Variants in TSPAN3 observed in about 807,000 individuals in gnomAD.
The protein encoded by TSPAN3 is tetraspanin 3.
In TSPAN3, 9 loss-of-function variants were observed where a neutral mutation model predicts 31.1. That is an observed-to-expected ratio of 0.29 (90% CI 0.17 to 0.50). The LOEUF (loss-of-function observed/expected upper bound fraction) is 0.50. TSPAN3 is among the 20% of genes least tolerant of loss of function. The pLI is 0.98. For synonymous variants in TSPAN3, 129 were observed against 114.3 expected (o/e 1.13, Z -0.82); for missense variants, 252 against 313.5 (o/e 0.80, Z 1.48).
intron 4 of TSPAN3, among the ~76,000 whole-genome samples, chr15:77,053,476 A>C (rs2076746072): frequency 1.1e-5 from 1 of 87,372 alleles, no homozygotes; most frequent in Admixed American, 1.2e-4. Flanking sequence ...AAAAAAAAAA[A>C]AAAAAAAAAA....
intron 1 of TSPAN3, among the ~76,000 whole-genome samples, chr15:77,057,778 C>A (rs1212429918): frequency 6.6e-6 from 1 of 152,088 alleles, no homozygotes; most frequent in East Asian, 1.9e-4. Flanking sequence ...TCTGGGCTCT[C>A]CGTGGGCTAC....
At chr15:77,059,086 TTTTA>T (rs1399084628) in intron 1 of TSPAN3, among the ~76,000 whole-genome samples, 2 of 152,116 alleles carry the variant, frequency 1.3e-5, no homozygotes, top group Non-Finnish European at 2.9e-5. Context: ...TTTTATTTTA[TTTTA>T]TTTATTTTTT....
chr15:77,051,649 G>C (rs1321404983), intron 6 of TSPAN3, among the ~76,000 whole-genome samples: 1 of 150,046 alleles, frequency 6.7e-6, no homozygotes, highest in Non-Finnish European at 1.5e-5. Flanking sequence ...AGGAGTTTGA[G>C]ACCAGCCTGG....
intron 1 of TSPAN3, among the ~76,000 whole-genome samples, chr15:77,067,226 T>G (rs2076839040): frequency 6.6e-6 from 1 of 152,098 alleles, no homozygotes; most frequent in Admixed American, 6.5e-5. Flanking sequence ...TTAAGACAAA[T>G]TTCAGGATTT....
At chr15:77,062,613 T>C (rs1264442976) in intron 1 of TSPAN3, among the ~76,000 whole-genome samples, 1 of 152,200 alleles carries the variant, frequency 6.6e-6, no homozygotes, top group Non-Finnish European at 1.5e-5. Context: ...CACAAACTAA[T>C]AGAGAATCAT....
intron 1 of TSPAN3, among the ~76,000 whole-genome samples, chr15:77,059,162 A>G (rs1214779158): frequency 6.6e-6 from 1 of 152,182 alleles, no homozygotes; most frequent in African/African-American, 2.4e-5. Flanking sequence ...AGCTCACTGC[A>G]GGCTCCGTCT....
In TSPAN3 at chr15:77,055,832, G is replaced by A. The variant is rs1455415303; in HGVS notation, c.287C>T (p.Thr96Ile). ...TCCCAAAACCACTACAACAACTTCT[G>A]TGACAAAAACCAAGAGCAGGATGAT... is the stretch of plus-strand genomic sequence containing the variant. Reference protein sequence around the residue: ...FVIILLLVFVTEVVVVVLGYV... With the variant: ...FVIILLLVFVIEVVVVVLGYV... The change falls in exon 3 of 7, where the codon ACA becomes ATA. Residue 96 changes from threonine (T) to isoleucine (I), a missense_variant. Coordinates refer to ENST00000267970, the MANE Select transcript of TSPAN3 (RefSeq NM_005724.6). The A allele has an allele frequency of 1.2e-6, 2 of 1,611,472 alleles. No homozygotes were observed. Among genetic ancestry groups the A allele is most frequent in the Non-Finnish European group, 1.7e-6 (2 of 1,179,384 alleles).
intron 1 of TSPAN3, among the ~76,000 whole-genome samples, chr15:77,059,857 C>T (rs141276008): frequency 4.9e-4 from 74 of 152,262 alleles, no homozygotes; most frequent in Non-Finnish European, 9.3e-4. Context: ...AGTTTTCAAT[C>T]TAAAGAGGTT....
At chr15:77,047,358 T>C (rs1297563919) in intron 6 of TSPAN3, among the ~76,000 whole-genome samples, 1 of 152,240 alleles carries the variant, frequency 6.6e-6, no homozygotes. Context: ...ATGTGGCTAG[T>C]GGCTACCATT....
intron 1 of TSPAN3, among the ~76,000 whole-genome samples, chr15:77,065,099 CCA>C (rs763275611): frequency 2.6e-5 from 4 of 152,200 alleles, no homozygotes; most frequent in Non-Finnish European, 5.9e-5. Context: ...CTGAATCCCC[CCA>C]GTCTCCCAAT....
In TSPAN3 at chr15:77,067,324, A is replaced by T. The variant is rs1346968147; in HGVS notation, c.63+3568T>A. On this transcript the variant is annotated intron_variant, in intron 1 of 6. Coordinates refer to ENST00000267970, the MANE Select transcript of TSPAN3 (RefSeq NM_005724.6). Reference sequence around the variant, plus strand: ...TCCAAACTATCTACACCAAATCAACAGTAACGATTTTAGCTGTCAGATAAT... The same window carrying T: ...TCCAAACTATCTACACCAAATCAACTGTAACGATTTTAGCTGTCAGATAAT... Among the ~76,000 whole-genome samples, 2 of 152,242 alleles carry T rather than the reference A, an allele frequency of 1.3e-5. 1 individual carries two copies. Among genetic ancestry groups the T allele is most frequent in the Non-Finnish European group, 2.9e-5 (2 of 68,048 alleles).
intron 6 of TSPAN3, among the ~76,000 whole-genome samples, chr15:77,051,984 C>CA (rs1288639143): frequency 6.6e-6 from 1 of 151,980 alleles, no homozygotes; most frequent in African/African-American, 2.4e-5. Context: ...AACTAGCATA[C>CA]AAAAAAACTG....
chr15:77,071,083 C>G lies in TSPAN3; in HGVS notation c.-129G>C, dbSNP rs2076867142. On this transcript the variant is annotated 5_prime_UTR_variant, in exon 1 of 7. Transcript: ENST00000267970. ...GCGGCGCTCCCCGCAGCCCCTGCGC[C>G]GTCGCGCAGCCCCGACCCCAGCAAG... The G allele has an allele frequency of 1.8e-6, 1 of 547,498 alleles. No homozygotes were observed. Among genetic ancestry groups the G allele is most frequent in the Non-Finnish European group, 2.7e-6 (1 of 376,280 alleles). The allele number at this position is 547,498 out of a possible 1,614,324, so 33.9% of individuals were successfully genotyped here. A position where few individuals can be genotyped will look rare whatever the true frequency, so the allele number is the denominator to read the frequency against.
chr15:77,056,312 T>C, intron 1 of TSPAN3, 57 bp from the exon 2 acceptor site: 1 of 1,341,836 alleles, frequency 7.5e-7, no homozygotes, highest in Non-Finnish European at 1.0e-6. Context: ...AATTTCCTAT[T>C]ATTGCTTAGT....
chr15:77,068,238 A>G (rs766401424), intron 1 of TSPAN3: 1 of 152,190 alleles, frequency 6.6e-6, no homozygotes, highest in African/African-American at 2.4e-5. Context: ...TCCTTATCAC[A>G]GCTCACAAAA....
intron 1 of TSPAN3, among the ~76,000 whole-genome samples, chr15:77,056,610 G>GT (rs2076770428): frequency 6.6e-6 from 1 of 152,130 alleles, no homozygotes; most frequent in East Asian, 1.9e-4. Flanking sequence ...GCTCACTACA[G>GT]TTGCCCTCAA....
intron 4 of TSPAN3, among the ~76,000 whole-genome samples, chr15:77,053,328 TC>T (rs2076744084): frequency 6.6e-6 from 1 of 151,034 alleles, no homozygotes; most frequent in Admixed American, 6.6e-5. Context: ...AAACCCCGTC[TC>T]TACTAAAAAT....
intron 1 of TSPAN3, chr15:77,068,047 A>T (rs1021295615): frequency 1.3e-5 from 2 of 152,208 alleles, no homozygotes; most frequent in African/African-American, 4.8e-5. Flanking sequence ...TATGCCATGT[A>T]AAGTGTTTAG....
At chr15:77,052,341 G>A (rs1241308522) in intron 6 of TSPAN3, 44 bp downstream of exon 6, 1 of 1,560,818 alleles carries the variant, frequency 6.4e-7, no homozygotes, top group South Asian at 1.1e-5. Flanking sequence ...TGACAACAGA[G>A]AACCAACTCA....
Sources: allele counts gnomAD v4.1 joint callset (sites outside exome capture counted in the v4.1 genomes callset), GRCh38; gene constraint gnomAD v4.1.1; transcripts MANE v1.5; gene names NCBI Gene and HGNC (gene_info 2026-07-23, HGNC 2026-07-21).